The following LGR6 variants were observed in gnomAD, a reference collection of about 807,000 sequenced individuals.
LGR6 encodes leucine-rich repeat-containing G protein-coupled receptor 6.
A neutral mutation model predicts 69.4 loss-of-function variants in LGR6; 45 were observed. That is an observed-to-expected ratio of 0.65 (90% CI 0.51 to 0.83). The LOEUF is 0.83. LGR6 is among the 40% of genes least tolerant of loss of function. LGR6 has a pLI of 0.00. For synonymous variants in LGR6, 538 were observed against 555.0 expected (o/e 0.97, Z 0.43); for missense variants, 1,108 against 1,246.7 (o/e 0.89, Z 1.68).
intron 13 of LGR6, 83 bp from the exon 14 acceptor site, chr1:202,307,247 G>T (rs1320966018): frequency 2.4e-5 from 32 of 1,321,450 alleles, no homozygotes; most frequent in Admixed American, 2.2e-4. Flanking sequence ...TCAGATGGGG[G>T]TATGTGAGGG....
At chr1:202,203,951 A>C in intron 1 of LGR6, 1 of 986,290 alleles carries the variant, frequency 1.0e-6, no homozygotes, top group East Asian at 2.4e-5. Flanking sequence ...TTTCCTGTGA[A>C]AATACCAGGT....
chr1:202,232,221 C>G (rs1661143947), intron 3 of LGR6, among the ~76,000 whole-genome samples: 1 of 152,110 alleles, frequency 6.6e-6, no homozygotes, highest in Non-Finnish European at 1.5e-5. Flanking sequence ...CTACCCACCC[C>G]ATAACCCCCA....
At chr1:202,277,720 A>G (rs1665690571) in intron 5 of LGR6, among the ~76,000 whole-genome samples, 1 of 152,144 alleles carries the variant, frequency 6.6e-6, no homozygotes. Context: ...TTGAAAGAGC[A>G]GAATAAATAT....
chr1:202,219,978 A>C (rs900324297), intron 1 of LGR6, among the ~76,000 whole-genome samples: 1 of 151,874 alleles, frequency 6.6e-6, no homozygotes, highest in East Asian at 1.9e-4. Context: ...TCCCAGGTTC[A>C]AGCAATTCTC....
At chr1:202,291,099 A>G (rs1157978057) in intron 6 of LGR6, among the ~76,000 whole-genome samples, 7 of 152,208 alleles carry the variant, frequency 4.6e-5, no homozygotes, top group Admixed American at 3.3e-4. Flanking sequence ...TGGATTTGCC[A>G]TTTGTTTTGA....
chr1:202,235,014 C>T (rs930045502), intron 3 of LGR6, among the ~76,000 whole-genome samples: 3 of 152,218 alleles, frequency 2.0e-5, no homozygotes, highest in Non-Finnish European at 4.4e-5. Flanking sequence ...GGGTTTTCCT[C>T]CTATGTCTTT....
At chr1:202,248,738 A>G (rs775817305) in intron 4 of LGR6, among the ~76,000 whole-genome samples, 11 of 151,978 alleles carry the variant, frequency 7.2e-5, no homozygotes, top group Non-Finnish European at 1.5e-4. Context: ...TCGCAAAGCA[A>G]TCTCTTCCCC....
At chr1:202,266,415 C>T (rs1028736739) in intron 4 of LGR6, among the ~76,000 whole-genome samples, 1 of 152,164 alleles carries the variant, frequency 6.6e-6, no homozygotes, top group Non-Finnish European at 1.5e-5. Flanking sequence ...CGTCTGAAGT[C>T]ATAGCGCCCT....
chr1:202,277,823 C>A (rs759445228), intron 5 of LGR6, among the ~76,000 whole-genome samples: 1 of 104,782 alleles, frequency 9.5e-6, no homozygotes, highest in Non-Finnish European at 1.9e-5. Context: ...GGTGGGAAGG[C>A]TGAGGTGGAG....
intron 4 of LGR6, among the ~76,000 whole-genome samples, chr1:202,246,600 A>G (rs1662726292): frequency 6.6e-6 from 1 of 151,908 alleles, no homozygotes; most frequent in African/African-American, 2.4e-5. Context: ...TATTAGATAC[A>G]CCAAGACCCC....
chr1:202,235,992 CTG>C lies in LGR6; in HGVS notation c.428+2_428+3del. 1 of 1,613,656 alleles carries C rather than the reference CTG, an allele frequency of 6.2e-7. No individual in the cohort carries two copies. The highest frequency in any genetic ancestry group is 8.5e-7 in the Non-Finnish European group (1 of 1,179,778). On this transcript the variant is annotated splice_donor_variant and coding_sequence_variant, in exon 4 of 18. Coordinates refer to ENST00000367278, the MANE Select transcript of LGR6 (RefSeq NM_001017403.2). LOFTEE classifies it high-confidence loss of function. The stretch of plus-strand genomic sequence containing the variant: ...GTGGGAGCTGCCGAGCCTGCAGTCG[CTG>C]TGAGTCATTAGAGGGCTGGTCTGGG...
At chr1:202,252,358 T>C (rs941987926) in intron 4 of LGR6, among the ~76,000 whole-genome samples, 3 of 152,148 alleles carry the variant, frequency 2.0e-5, no homozygotes, top group Admixed American at 2.0e-4. Flanking sequence ...GAAGCCCCCC[T>C]AGAATAATTC....
At chr1:202,296,915 A>C (rs1388736174) in intron 6 of LGR6, among the ~76,000 whole-genome samples, 1 of 152,082 alleles carries the variant, frequency 6.6e-6, no homozygotes. Context: ...TTGGGTTGCT[A>C]CCCCTTTTAA....
chr1:202,200,599 C>G (rs1036431853), intron 1 of LGR6, among the ~76,000 whole-genome samples: 2 of 152,166 alleles, frequency 1.3e-5, no homozygotes, highest in African/African-American at 4.8e-5. Context: ...GAAATGGCAA[C>G]TTCTTTTAGC....
chr1:202,316,163 A>T (rs1365165462), intron 17 of LGR6, among the ~76,000 whole-genome samples: 3 of 152,186 alleles, frequency 2.0e-5, no homozygotes, highest in Non-Finnish European at 4.4e-5. Context: ...ATAACAGAAT[A>T]CCTAAGGCTA....
intron 4 of LGR6, among the ~76,000 whole-genome samples, chr1:202,246,610 C>T (rs78998177): frequency 0.028 from 4,178 of 151,830 alleles, 87 homozygotes; most frequent in Middle Eastern, 0.088. Flanking sequence ...ACCAAGACCC[C>T]ATCTTCATCC....
At chr1:202,208,814 T>A (rs1423094409) in intron 1 of LGR6, among the ~76,000 whole-genome samples, 1 of 152,130 alleles carries the variant, frequency 6.6e-6, no homozygotes, top group Non-Finnish European at 1.5e-5. Flanking sequence ...CCAGGGCACC[T>A]GCTGGGGGTG....
chr1:202,247,434 T>G (rs904339949), intron 4 of LGR6, among the ~76,000 whole-genome samples: 3 of 152,216 alleles, frequency 2.0e-5, no homozygotes, highest in Admixed American at 1.3e-4. Context: ...GCAATCATTA[T>G]CAGCTGTCCA....
At position 202,260,478 on chromosome 1, in the gene LGR6, C is replaced by T. The variant is rs182573110; in HGVS notation, c.429-15828C>T. 4.2e-3 allele frequency among the ~76,000 whole-genome samples: 637 copies of T among 152,256 alleles called. 3 individuals carry two copies. Among genetic ancestry groups the T allele is most frequent in the African/African-American group, 0.015 (613 of 41,554 alleles). ...CCTCCCAAGTAGCTAGGACTACAGG[C>T]ATGTGTCTCCATGCCCAGCTAATTT... is the stretch of plus-strand genomic sequence containing the variant. On this transcript the variant is annotated intron_variant, in intron 4 of 17. Transcript: ENST00000367278.
Sources: gnomAD v4.1 joint callset for allele counts (sites outside exome capture counted in the v4.1 genomes callset) on GRCh38, gnomAD v4.1.1 for gene constraint, MANE v1.5 for transcripts, NCBI Gene and HGNC (gene_info 2026-07-23, HGNC 2026-07-21) for gene names.